BNC2: variants seen among roughly 807,000 people sequenced by gnomAD.
BNC2 encodes basonuclin zinc finger protein 2.
A neutral mutation model predicts 76.3 loss-of-function variants in BNC2; 20 were observed. The observed-to-expected ratio is 0.26, with a 90% CI of 0.18 to 0.38. The LOEUF (loss-of-function observed/expected upper bound fraction) is 0.38, where lower values mean the gene tolerates loss of function less well. Among genes scored for constraint, BNC2 ranks in the 10% least tolerant of loss-of-function variants. The pLI is 1.00. For missense variants in BNC2, 1,382 were observed against 1,399.8 expected, an observed-to-expected ratio of 0.99 and a Z score of 0.20; for synonymous variants, 582 against 514.8, an observed-to-expected ratio of 1.13 and a Z score of -1.77.
chr9:16,445,520 T>C (rs894808766), intron 5 of BNC2, among the ~76,000 whole-genome samples: 1 of 152,180 alleles, frequency 6.6e-6, no homozygotes, highest in Non-Finnish European at 1.5e-5. Flanking sequence ...AACATTTGTT[T>C]TGGGTAACGA....
chr9:16,436,682 A>T lies in BNC2; in HGVS notation c.1512T>A (p.Asn504Lys). 6.2e-7 allele frequency: 1 copy of T among 1,614,104 alleles called. No homozygotes were observed. The highest frequency in any genetic ancestry group is 8.5e-7 in the Non-Finnish European group (1 of 1,180,028). The change falls in exon 6 of 7, where the codon AAT (asparagine) becomes AAA (lysine). Residue 504 changes from asparagine (N) to lysine (K), a missense_variant. This residue lies in a region of BNC2 where 798 missense variants were observed against 775.5 expected (regional missense o/e 1.03). Coordinates refer to ENST00000380672, the MANE Select transcript of BNC2 (RefSeq NM_017637.6). ...CCCGAATTAAATCTTTATCTCGGTT[A>T]TTCCTTAGCATAGGCATGTGAAGGC... ...NPRLHMPMLR[N>K]NRDKDLIRAT...
intron 3 of BNC2, among the ~76,000 whole-genome samples, chr9:16,658,984 G>A (rs1241290770): frequency 6.6e-6 from 1 of 152,134 alleles, no homozygotes; most frequent in Non-Finnish European, 1.5e-5. Flanking sequence ...ATTGATCATC[G>A]CAACTGTCTC....
chr9:16,523,365 G>C (rs1044637161), intron 5 of BNC2, among the ~76,000 whole-genome samples: 11 of 151,670 alleles, frequency 7.3e-5, no homozygotes, highest in African/African-American at 2.2e-4. Flanking sequence ...CAGCTACTTG[G>C]GAGGCTAAGG....
chr9:16,774,130 C>T (rs1195490906), intron 1 of BNC2, among the ~76,000 whole-genome samples: 2 of 152,076 alleles, frequency 1.3e-5, no homozygotes, highest in South Asian at 2.1e-4. Context: ...TACAGGTACC[C>T]GCCACCACAC....
intron 5 of BNC2, among the ~76,000 whole-genome samples, chr9:16,504,387 C>T (rs1822583009): frequency 6.6e-6 from 1 of 150,486 alleles, no homozygotes; most frequent in African/African-American, 2.5e-5. Context: ...AATTGTCTTC[C>T]TCTCTCACAA....
chr9:16,732,497 A>G (rs962403425), intron 2 of BNC2, among the ~76,000 whole-genome samples: 8 of 152,200 alleles, frequency 5.3e-5, no homozygotes, highest in Non-Finnish European at 8.8e-5. Context: ...AACAATGTAA[A>G]TCCTGCACAA....
At chr9:16,475,812 T>G (rs1439106683) in intron 5 of BNC2, among the ~76,000 whole-genome samples, 1 of 152,202 alleles carries the variant, frequency 6.6e-6, no homozygotes, top group Admixed American at 6.5e-5. Flanking sequence ...CTAGAGGGCC[T>G]AGCAGCACCG....
intron 5 of BNC2, among the ~76,000 whole-genome samples, chr9:16,478,095 A>G (rs879428846): frequency 8.5e-5 from 13 of 152,184 alleles, no homozygotes; most frequent in Admixed American, 6.5e-4. Context: ...TCATTGTTTC[A>G]TGGCTCGAAC....
intron 5 of BNC2, among the ~76,000 whole-genome samples, chr9:16,445,748 C>T (rs1043512615): frequency 2.0e-5 from 3 of 152,116 alleles, no homozygotes; most frequent in African/African-American, 7.2e-5. Flanking sequence ...TAACATTGAC[C>T]TATGTGAACA....
chr9:16,816,121 T>C (rs1818175428), intron 1 of BNC2, among the ~76,000 whole-genome samples: 1 of 152,132 alleles, frequency 6.6e-6, no homozygotes, highest in Non-Finnish European at 1.5e-5. Context: ...TGACAAACGG[T>C]AGCAGAGCTG....
At chr9:16,726,007 C>G (rs2134955752) in intron 3 of BNC2, among the ~76,000 whole-genome samples, 1 of 151,878 alleles carries the variant, frequency 6.6e-6, no homozygotes, top group South Asian at 2.1e-4. Context: ...CACACGCACA[C>G]ACACACACAC....
chr9:16,800,907 C>T (rs897295367), intron 1 of BNC2, among the ~76,000 whole-genome samples: 1 of 152,164 alleles, frequency 6.6e-6, no homozygotes, highest in African/African-American at 2.4e-5. Context: ...GCTATTCTAT[C>T]AGGCAACTAC....
chr9:16,650,165 C>G (rs1044177781), intron 3 of BNC2, among the ~76,000 whole-genome samples: 4 of 152,174 alleles, frequency 2.6e-5, no homozygotes, highest in Non-Finnish European at 5.9e-5. Context: ...ATGTCATTCA[C>G]AAGACACAGG....
chr9:16,709,945 G>A (rs1239883981), intron 3 of BNC2, among the ~76,000 whole-genome samples: 3 of 151,872 alleles, frequency 2.0e-5, no homozygotes, highest in Admixed American at 6.6e-5. Context: ...GCCCAATCAC[G>A]AATAACTTCT....
chr9:16,684,145 G>A (rs1188396061), intron 3 of BNC2, among the ~76,000 whole-genome samples: 1 of 151,848 alleles, frequency 6.6e-6, no homozygotes. Flanking sequence ...TCTTTTCACT[G>A]TAATTCAAGG....
chr9:16,678,808 C>G (rs1006550311), intron 3 of BNC2, among the ~76,000 whole-genome samples: 1 of 152,160 alleles, frequency 6.6e-6, no homozygotes, highest in East Asian at 1.9e-4. Flanking sequence ...GTTGTCCTGA[C>G]ATTCCAAACC....
At chr9:16,637,394 G>C (rs1212422528) in intron 3 of BNC2, among the ~76,000 whole-genome samples, 1 of 152,174 alleles carries the variant, frequency 6.6e-6, no homozygotes, top group East Asian at 1.9e-4. Flanking sequence ...AGCAGTTCAA[G>C]TTGTGATGTT....
intron 5 of BNC2, among the ~76,000 whole-genome samples, chr9:16,440,029 T>C (rs191211528): frequency 5.3e-5 from 8 of 152,340 alleles, no homozygotes; most frequent in Admixed American, 3.9e-4. Context: ...TCATTCACAT[T>C]CTGCTTTTGG....
At chr9:16,647,503 T>C (rs1440517297) in intron 3 of BNC2, among the ~76,000 whole-genome samples, 2 of 152,090 alleles carry the variant, frequency 1.3e-5, no homozygotes, top group Non-Finnish European at 2.9e-5. Flanking sequence ...GGTCAATGCA[T>C]AGAATGCAGA....
Sources: allele counts gnomAD v4.1 joint callset (sites outside exome capture counted in the v4.1 genomes callset), GRCh38; gene constraint gnomAD v4.1.1; regional missense constraint gnomAD v4.1.1; transcripts MANE v1.5; gene names NCBI Gene and HGNC (gene_info 2026-07-23, HGNC 2026-07-21).